The following HNRNPLL variants were observed in gnomAD, a reference collection of about 807,000 sequenced individuals.
The protein encoded by HNRNPLL is heterogeneous nuclear ribonucleoprotein L like.
In HNRNPLL, 25 loss-of-function variants were observed where a neutral mutation model predicts 67.1. The ratio of observed to expected loss-of-function variants is 0.37; its 90% CI spans 0.27 to 0.52. The LOEUF (loss-of-function observed/expected upper bound fraction) is 0.52. Ranked by LOEUF, HNRNPLL falls within the 20% of genes least tolerant of loss-of-function variation. HNRNPLL has a pLI of 0.90. For missense variants in HNRNPLL, 542 were observed against 673.9 expected (o/e 0.80, Z 2.17); for synonymous variants, 267 against 241.7 (o/e 1.10, Z -0.97).
At chr2:38,565,429 G>T (rs752087311) in intron 12 of HNRNPLL, among the ~76,000 whole-genome samples, 1 of 151,948 alleles carries the variant, frequency 6.6e-6, no homozygotes, top group Non-Finnish European at 1.5e-5. Flanking sequence ...GAAGAAAGCC[G>T]ACACTGTGGC....
At chr2:38,585,615 A>C in intron 3 of HNRNPLL, 29 bp downstream of exon 3, 1 of 1,407,934 alleles carries the variant, frequency 7.1e-7, no homozygotes, top group Non-Finnish European at 1.0e-6. Flanking sequence ...AATCACTTTT[A>C]ATTTCATTTG....
chr2:38,582,430 C>A (rs1211375892), intron 4 of HNRNPLL, among the ~76,000 whole-genome samples: 3 of 152,164 alleles, frequency 2.0e-5, no homozygotes, highest in Non-Finnish European at 4.4e-5. Context: ...CCTGCCTCAG[C>A]CTCCCAAGTA....
In HNRNPLL at chr2:38,602,714, G is replaced by A; in HGVS notation, c.-88C>T. On this transcript the variant is annotated 5_prime_UTR_variant, in exon 1 of 13. Transcript: ENST00000449105. Reference sequence around the variant, plus strand: ...ATGCCGCCGGCCAGTCCTCGCCGCCGGCAGCGCCTCTTCTGCGAGGGTCTC... The same window carrying A: ...ATGCCGCCGGCCAGTCCTCGCCGCCAGCAGCGCCTCTTCTGCGAGGGTCTC... 1.4e-6 allele frequency: 2 copies of A among 1,433,816 alleles called. No individual in the cohort carries two copies. Among genetic ancestry groups the A allele is most frequent in the Non-Finnish European group, 9.1e-7 (1 of 1,096,750 alleles). The allele number at this position is 1,433,816 out of a possible 1,614,324, so 88.8% of individuals were successfully genotyped here. A position where few individuals can be genotyped will look rare whatever the true frequency, so the allele number is the denominator to read the frequency against.
intron 7 of HNRNPLL, among the ~76,000 whole-genome samples, chr2:38,576,004 C>A (rs1666287561): frequency 6.6e-6 from 1 of 151,706 alleles, no homozygotes; most frequent in Non-Finnish European, 1.5e-5. Context: ...CCTACATAAT[C>A]CCACCACAAC....
intron 2 of HNRNPLL, among the ~76,000 whole-genome samples, chr2:38,590,817 G>A (rs1188520368): frequency 6.6e-6 from 1 of 152,092 alleles, no homozygotes; most frequent in Non-Finnish European, 1.5e-5. Flanking sequence ...CTGAGGCAAT[G>A]TTAAGAGACC....
At chr2:38,591,064 C>T (rs1019301739) in intron 2 of HNRNPLL, among the ~76,000 whole-genome samples, 1 of 152,118 alleles carries the variant, frequency 6.6e-6, no homozygotes, top group Non-Finnish European at 1.5e-5. Flanking sequence ...GCAATATGCA[C>T]CTAAACAAAT....
chr2:38,577,340 T>C, intron 7 of HNRNPLL, 121 bp downstream of exon 7: 2 of 669,806 alleles, frequency 3.0e-6, no homozygotes, highest in Admixed American at 4.7e-5. Context: ...AAGGGACTGA[T>C]CCCATATAAA....
chr2:38,565,955 T>C, intron 12 of HNRNPLL: 2 of 847,768 alleles, frequency 2.4e-6, no homozygotes, highest in South Asian at 1.1e-4. Flanking sequence ...ATTCCAGCCA[T>C]AAATCATTCA....
intron 6 of HNRNPLL, chr2:38,578,143 C>A: frequency 2.6e-6 from 1 of 382,528 alleles, no homozygotes; most frequent in Non-Finnish European, 5.4e-6. Context: ...TGTCTATTGA[C>A]CATAACACCA....
chr2:38,578,051 A>G (rs1358672439), intron 6 of HNRNPLL: 2 of 467,014 alleles, frequency 4.3e-6, no homozygotes, highest in Non-Finnish European at 8.9e-6. Flanking sequence ...TTTTATAAGT[A>G]TATGCACATA....
Position 38,593,295 on chromosome 2 carries a change from T to G in HNRNPLL, c.190-1647A>C, listed in dbSNP as rs77223249. Among the ~76,000 whole-genome samples the G allele has an allele frequency of 5.1e-4, 78 of 152,324 alleles. 4 individuals carry two copies. The East Asian group carries it at 0.014, about 27-fold the overall frequency. On this transcript the variant is annotated intron_variant, in intron 1 of 12. Coordinates refer to ENST00000449105, the MANE Select transcript of HNRNPLL (RefSeq NM_138394.4). Reference sequence around the variant, plus strand: ...ATGAAATTCAACAAGCAAATGTGCATGTATCATCATTACATTCTTAAATAT... The same window carrying G: ...ATGAAATTCAACAAGCAAATGTGCAGGTATCATCATTACATTCTTAAATAT...
chr2:38,569,143 G>A lies in HNRNPLL; in HGVS notation c.1406C>T (p.Thr469Ile). 6.2e-7 allele frequency: 1 copy of A among 1,602,856 alleles called. No homozygotes were observed. Among genetic ancestry groups the A allele is most frequent in the Non-Finnish European group, 8.5e-7 (1 of 1,169,850 alleles). ...YNVPLCVTEE[T>I]FTKLCNDHEV... ...TATTTCAGTGCCTACCTTTGTGAAG[G>A]TCTCTTCTGTGACACACAATGGAAC... Residue 469 changes from threonine (T) to isoleucine (I), a missense_variant, in exon 10 of 13, where the codon ACC becomes ATC. Physicochemically the swap from Thr to Ile is moderately conservative, Grantham distance 89 (BLOSUM62 -1). This residue lies in a region of HNRNPLL where 415 missense variants were observed against 575.2 expected (regional missense o/e 0.72). Coordinates refer to ENST00000449105, the MANE Select transcript of HNRNPLL (RefSeq NM_138394.4).
At position 38,569,470 on chromosome 2, in the gene HNRNPLL, G is replaced by A; in HGVS notation, c.1215-136C>T. 3 of 619,050 alleles carry A rather than the reference G, an allele frequency of 4.8e-6. No individual in the cohort carries two copies. The East Asian group carries it at 8.2e-5, about 17-fold the overall frequency. 38.3% of individuals were successfully genotyped at this position (619,050 alleles called of 1,614,324 possible). On this transcript the variant is annotated intron_variant, in intron 9 of 12. Coordinates refer to ENST00000449105, the MANE Select transcript of HNRNPLL (RefSeq NM_138394.4). ...CATACATAGAGCTATTTAAATAGAGGATTTAGTTTGGGTTATAATCAATCA... is the reference window on the plus strand; with the variant it reads ...CATACATAGAGCTATTTAAATAGAGAATTTAGTTTGGGTTATAATCAATCA...
At chr2:38,576,690 T>C (rs1666312550) in intron 7 of HNRNPLL, among the ~76,000 whole-genome samples, 1 of 151,864 alleles carries the variant, frequency 6.6e-6, no homozygotes, top group African/African-American at 2.4e-5. Flanking sequence ...TACCAGGTGC[T>C]TTTCGGTGAC....
chr2:38,572,577 GTATCAATAAATAAA>G (rs949087151), intron 8 of HNRNPLL, among the ~76,000 whole-genome samples: 48 of 152,050 alleles, frequency 3.2e-4, no homozygotes, highest in African/African-American at 1.1e-3. Context: ...CATTTGTGAG[GTATCAATAAATAAA>G]ACCTCGCAGA....
At chr2:38,572,327 T>A (rs1666125597) in intron 8 of HNRNPLL, among the ~76,000 whole-genome samples, 1 of 152,106 alleles carries the variant, frequency 6.6e-6, no homozygotes, top group African/African-American at 2.4e-5. Context: ...ATTAATGAAC[T>A]AAGAACTAAA....
At chr2:38,598,728 G>A (rs1054429444) in intron 1 of HNRNPLL, among the ~76,000 whole-genome samples, 1 of 152,202 alleles carries the variant, frequency 6.6e-6, no homozygotes, top group Non-Finnish European at 1.5e-5. Context: ...TGCCTTGATT[G>A]TGCTACTGGC....
Position 38,602,707 on chromosome 2 carries a change from C to G in HNRNPLL, c.-81G>C. ...GCCTCGGATGCCGCCGGCCAGTCCT[C>G]GCCGCCGGCAGCGCCTCTTCTGCGA... is the stretch of plus-strand genomic sequence containing the variant. On this transcript the variant is annotated 5_prime_UTR_variant, in exon 1 of 13. Transcript: ENST00000449105. The G allele has an allele frequency of 7.0e-7, 1 of 1,430,760 alleles. No individual in the cohort carries two copies. Among genetic ancestry groups the G allele is most frequent in the Non-Finnish European group, 9.1e-7 (1 of 1,095,788 alleles). 88.6% of individuals were successfully genotyped at this position (1,430,760 alleles called of 1,614,324 possible). A position where few individuals can be genotyped will look rare whatever the true frequency, so the allele number is the denominator to read the frequency against.
Position 38,564,066 on chromosome 2 carries a change from G to C in HNRNPLL, c.*116C>G. ...GGCAAAATATGTTTATTACAGAACA[G>C]GATCTTAAAGTAAGCAAGGCAACAT... On this transcript the variant is annotated 3_prime_UTR_variant, in exon 13 of 13. Coordinates refer to ENST00000449105, the MANE Select transcript of HNRNPLL (RefSeq NM_138394.4). 1.4e-6 allele frequency: 1 copy of C among 716,728 alleles called. No individual in the cohort carries two copies. The highest frequency in any genetic ancestry group is 2.5e-6 in the Non-Finnish European group (1 of 395,628). 44.4% of individuals were successfully genotyped at this position (716,728 alleles called of 1,614,324 possible).
Sources: gnomAD v4.1 joint callset for allele counts (sites outside exome capture counted in the v4.1 genomes callset) on GRCh38, gnomAD v4.1.1 for gene constraint, gnomAD v4.1.1 regional missense constraint, MANE v1.5 for transcripts, NCBI Gene and HGNC (gene_info 2026-07-23, HGNC 2026-07-21) for gene names.